The following PCDHGA5 variants were observed in gnomAD, a reference collection of about 807,000 sequenced individuals.
PCDHGA5 encodes protocadherin gamma-A5.
Under a neutral mutation model 56.7 loss-of-function variants are expected in PCDHGA5, and 36 were observed. That is an observed-to-expected ratio of 0.64 (90% CI 0.49 to 0.84). The LOEUF (loss-of-function observed/expected upper bound fraction) is 0.84. Among genes scored for constraint, PCDHGA5 ranks in the 40% least tolerant of loss-of-function variants. The pLI, the probability that PCDHGA5 is intolerant of heterozygous loss-of-function variation, is 0.00. For missense variants in PCDHGA5, 1,305 were observed against 1,201.5 expected (o/e 1.09, Z -1.27); for synonymous variants, 563 against 520.2 (o/e 1.08, Z -1.12).
chr5:141,399,569 G>A (rs1192197329), intron 1 of PCDHGA5: 1 of 1,613,888 alleles, frequency 6.2e-7, no homozygotes, highest in Non-Finnish European at 8.5e-7. Context: ...GGGTTGAACG[G>A]CCAAGTCTCC....
chr5:141,372,797 CA>C (rs1769078994), intron 1 of PCDHGA5: 2 of 1,597,434 alleles, frequency 1.3e-6, no homozygotes, highest in Admixed American at 3.5e-5. Flanking sequence ...CTAATTCAGG[CA>C]ATTTGCAAAA....
At chr5:141,508,588 C>G (rs1721443459) in intron 3 of PCDHGA5, among the ~76,000 whole-genome samples, 1 of 152,176 alleles carries the variant, frequency 6.6e-6, no homozygotes, top group African/African-American at 2.4e-5. Context: ...GGGTGCTACT[C>G]AGAGATCTTG....
chr5:141,478,901 A>T (rs2099483520), intron 1 of PCDHGA5: 2 of 1,002,034 alleles, frequency 2.0e-6, no homozygotes, highest in African/African-American at 3.3e-5. Flanking sequence ...ATTAGGAATA[A>T]GCTGCTGGAT....
rs762443906 is a variant in PCDHGA5, at chr5:141,374,173, G to C, written c.2421+7422G>C. The C allele has an allele frequency of 3.1e-6, 5 of 1,613,352 alleles. No homozygotes were observed. The South Asian group carries it at 4.4e-5, about 14-fold the overall frequency. ...CGCTGTGGGGGGCCGCGGCAGCGCA[G>C]ATCCGCTACTCTATTCCCGAGGAGC... On this transcript the variant is annotated intron_variant, in intron 1 of 3. Coordinates refer to ENST00000518069, the MANE Select transcript of PCDHGA5 (RefSeq NM_018918.3).
At chr5:141,392,682 C>T in intron 1 of PCDHGA5, 2 of 1,035,550 alleles carry the variant, frequency 1.9e-6, no homozygotes, top group Non-Finnish European at 2.7e-6. Flanking sequence ...TGGACTGCAG[C>T]GAAACCCGAC....
intron 1 of PCDHGA5, chr5:141,419,829 C>G (rs748734266): frequency 6.2e-7 from 1 of 1,614,072 alleles, no homozygotes; most frequent in Admixed American, 1.7e-5. Flanking sequence ...CTTTCAGCCA[C>G]TGCCACGCTG....
rs563876979 is a variant in PCDHGA5, at chr5:141,417,900, G to A, written c.2421+51149G>A. 5 of 1,583,452 alleles carry A rather than the reference G, an allele frequency of 3.2e-6. No individual in the cohort carries two copies. Among genetic ancestry groups the A allele is most frequent in the South Asian group, 2.3e-5 (2 of 88,062 alleles). On this transcript the variant is annotated intron_variant, in intron 1 of 3. Coordinates refer to ENST00000518069, the MANE Select transcript of PCDHGA5 (RefSeq NM_018918.3). ...GCGCAGAGGCGCCGGGCCGGCCCGC[G>A]GCAGGTACTATTTCCTTTGCTGCTG...
At chr5:141,464,008 G>A (rs1484928987) in intron 1 of PCDHGA5, among the ~76,000 whole-genome samples, 6 of 151,674 alleles carry the variant, frequency 4.0e-5, no homozygotes, top group Non-Finnish European at 7.4e-5. Flanking sequence ...GCTCATGCTT[G>A]TAATCCCACA....
Position 141,489,968 on chromosome 5 carries a change from A to G in PCDHGA5, c.2422-4839A>G. 6.2e-7 allele frequency: 1 copy of G among 1,614,146 alleles called. No homozygotes were observed. The highest frequency in any genetic ancestry group is 2.2e-5 in the East Asian group (1 of 44,880). On this transcript the variant is annotated intron_variant, in intron 1 of 3. Coordinates refer to ENST00000518069, the MANE Select transcript of PCDHGA5 (RefSeq NM_018918.3). This position sits in a 1 kb window ranked among gnomAD's most constrained non-coding sequence, Gnocchi z 4.5. Reference sequence around the variant, plus strand: ...ATCAATGATAATGCTCCAACCTTCCAATCCTCAGTTCTACGTGTGGGAATC... The same window carrying G: ...ATCAATGATAATGCTCCAACCTTCCGATCCTCAGTTCTACGTGTGGGAATC...
At chr5:141,464,604 G>A (rs1445968596) in intron 1 of PCDHGA5, among the ~76,000 whole-genome samples, 1 of 152,106 alleles carries the variant, frequency 6.6e-6, no homozygotes, top group East Asian at 1.9e-4. Context: ...AGTCTCCTTT[G>A]CAGAGTATAT....
rs754728562 is a variant in PCDHGA5, at chr5:141,489,487, G to A, written c.2422-5320G>A. 6.2e-7 allele frequency: 1 copy of A among 1,613,942 alleles called. No individual in the cohort carries two copies. On this transcript the variant is annotated intron_variant, in intron 1 of 3. Coordinates refer to ENST00000518069, the MANE Select transcript of PCDHGA5 (RefSeq NM_018918.3). This position sits in a 1 kb window ranked among gnomAD's most constrained non-coding sequence, Gnocchi z 4.5. The stretch of plus-strand genomic sequence containing the variant: ...TTTTTCCCTGAGCTTGATGAGTGGT[G>A]CCCTGGCAGTGAATCAAAAGATTGA...
chr5:141,393,504 A>T, intron 1 of PCDHGA5: 1 of 1,614,036 alleles, frequency 6.2e-7, no homozygotes. Flanking sequence ...CATCCACGTG[A>T]CAGTGTTGGA....
chr5:141,372,682 C>T, intron 1 of PCDHGA5: 1 of 1,614,010 alleles, frequency 6.2e-7, no homozygotes, highest in Non-Finnish European at 8.5e-7. Flanking sequence ...TCCTCAAACA[C>T]CGAGTTTAAA....
intron 1 of PCDHGA5, chr5:141,478,233 TG>T (rs1467423955): frequency 3.7e-6 from 6 of 1,614,126 alleles, no homozygotes; most frequent in Non-Finnish European, 5.1e-6. Flanking sequence ...GTGGGGTTTG[TG>T]GTCACAGTGT....
Position 141,490,900 on chromosome 5 carries a change from G to A in PCDHGA5, c.2422-3907G>A, listed in dbSNP as rs2099705863. 2 of 1,613,796 alleles carry A rather than the reference G, an allele frequency of 1.2e-6. No individual in the cohort carries two copies. The highest frequency in any genetic ancestry group is 2.7e-5 in the African/African-American group (2 of 75,050). ...TGCCAACACATCTCTGCATGTGTTT[G>A]TCCTAGACGAGAATGATAATGCCCC... On this transcript the variant is annotated intron_variant, in intron 1 of 3. Transcript: ENST00000518069. The surrounding 1 kb of genome is among the most constrained non-coding windows in gnomAD (Gnocchi z 5.4).
At chr5:141,404,110 C>G (rs1283800962) in intron 1 of PCDHGA5, 1 of 1,613,336 alleles carries the variant, frequency 6.2e-7, no homozygotes, top group South Asian at 1.1e-5. Context: ...TCTGTTCTAT[C>G]CAGGAGAATC....
Position 141,366,489 on chromosome 5 carries a change from A to C in PCDHGA5, c.2159A>C (p.His720Pro), listed in dbSNP as rs1280216684. The change falls in exon 1 of 4, where the codon CAC becomes CCC. Residue 720 changes from histidine (H) to proline (P), a missense_variant. Transcript: ENST00000518069. ...VLLVLRLRRW[H>P]KSRLLQAEGS... ...CTGGTGCTCAGACTGAGGCGCTGGCACAAGTCACGCCTGCTTCAGGCTGAA... is the reference window on the plus strand; with the variant it reads ...CTGGTGCTCAGACTGAGGCGCTGGCCCAAGTCACGCCTGCTTCAGGCTGAA... The C allele has an allele frequency of 6.2e-7, 1 of 1,614,236 alleles. No homozygotes were observed. Among genetic ancestry groups the C allele is most frequent in the Non-Finnish European group, 8.5e-7 (1 of 1,180,038 alleles).
Position 141,372,061 on chromosome 5 carries a change from AC to A in PCDHGA5, c.2421+5311del, listed in dbSNP as rs773665526. On this transcript the variant is annotated intron_variant, in intron 1 of 3. Coordinates refer to ENST00000518069, the MANE Select transcript of PCDHGA5 (RefSeq NM_018918.3). ...CTGCGCGTGTTGGTGGACGACCGCA[AC>A]GACAATGCACCGCTGGTGCTGTACC... 71 of 1,613,454 alleles carry A rather than the reference AC, an allele frequency of 4.4e-5. No homozygotes were observed. The African/African-American group carries it at 9.1e-4, about 21-fold the overall frequency.
Position 141,377,206 on chromosome 5 carries a change from C to T in PCDHGA5, c.2421+10455C>T, listed in dbSNP as rs192772101. The T allele has an allele frequency of 1.8e-4, 28 of 152,284 alleles. No individual in the cohort carries two copies. In the East Asian group the frequency reaches 2.5e-3, roughly 14 times the overall value. 9.4% of individuals were successfully genotyped at this position (152,284 alleles called of 1,614,324 possible). ...AACTATTTGTGTCTTGGATTGAGTA[C>T]ATCTCGTTTCTTAGGTTTTTTCCTA... On this transcript the variant is annotated intron_variant, in intron 1 of 3. Coordinates refer to ENST00000518069, the MANE Select transcript of PCDHGA5 (RefSeq NM_018918.3).
Sources: allele counts gnomAD v4.1 joint callset (sites outside exome capture counted in the v4.1 genomes callset), GRCh38; gene constraint gnomAD v4.1.1; non-coding constraint Gnocchi (gnomAD v3.1); transcripts MANE v1.5; gene names NCBI Gene and HGNC (gene_info 2026-07-23, HGNC 2026-07-21).